Variants in ITGA8 observed in about 807,000 individuals in gnomAD.
The protein encoded by ITGA8 is integrin subunit alpha 8.
ITGA8 carries 91 observed loss-of-function variants against 142.3 expected under a neutral mutation model. That is an observed-to-expected ratio of 0.64 (90% confidence interval 0.54 to 0.76). ITGA8 has a LOEUF of 0.76. ITGA8 is among the 30% of genes least tolerant of loss of function. The probability of loss-of-function intolerance (pLI) is 0.00; values close to 1 mark genes in which losing one functional copy is unlikely to be tolerated. For missense variants in ITGA8, 1,406 were observed against 1,327.7 expected, an observed-to-expected ratio of 1.06 and a Z score of -0.92; for synonymous variants, 505 against 485.2, an observed-to-expected ratio of 1.04 and a Z score of -0.54.
intron 27 of ITGA8, among the ~76,000 whole-genome samples, chr10:15,546,209 A>G (rs1170611789): frequency 6.6e-6 from 1 of 151,810 alleles, no homozygotes; most frequent in East Asian, 1.9e-4. Flanking sequence ...ACACCATTCT[A>G]CTTTCTTCCC....
intron 2 of ITGA8, among the ~76,000 whole-genome samples, chr10:15,694,322 T>TGATAATATATATCA (rs1835000035): frequency 1.7e-4 from 2 of 11,926 alleles, no homozygotes; most frequent in Non-Finnish European, 4.1e-4. Flanking sequence ...ATCATATATA[T>TGATAATATATATCA]GATAATATAT....
intron 25 of ITGA8, among the ~76,000 whole-genome samples, chr10:15,571,646 C>G (rs1199434403): frequency 6.6e-6 from 1 of 152,128 alleles, no homozygotes; most frequent in Non-Finnish European, 1.5e-5. Context: ...AACCCCAGCC[C>G]CTGCATTTTA....
chr10:15,532,901 C>T (rs1833340788), intron 27 of ITGA8, among the ~76,000 whole-genome samples: 1 of 152,166 alleles, frequency 6.6e-6, no homozygotes, highest in Admixed American at 6.5e-5. Context: ...TATCTGTGCT[C>T]AGGATGTGAT....
intron 2 of ITGA8, among the ~76,000 whole-genome samples, chr10:15,691,275 A>G (rs1395551621): frequency 1.3e-5 from 2 of 152,238 alleles, no homozygotes; most frequent in South Asian, 2.1e-4. Context: ...TATGAAAAAC[A>G]TTAAAGGAAG....
At position 15,610,724 on chromosome 10, in the gene ITGA8, T is replaced by C. The variant is rs2131613700; in HGVS notation, c.1554-2434A>G. 1.3e-5 allele frequency among the ~76,000 whole-genome samples: 2 copies of C among 152,296 alleles called. 1 individual carries two copies. The highest frequency in any genetic ancestry group is 4.1e-4 in the South Asian group (2 of 4,820). ...AAAATGAGATAAATGTGAAACACGA[T>C]TTAAAAGTACAAAGCAATTCATTTT... On this transcript the variant is annotated intron_variant, in intron 15 of 29. Transcript: ENST00000378076.
At chr10:15,647,765 T>C (rs1424458325) in intron 11 of ITGA8, among the ~76,000 whole-genome samples, 1 of 152,172 alleles carries the variant, frequency 6.6e-6, no homozygotes, top group African/African-American at 2.4e-5. Context: ...CCCGGCCAAT[T>C]ATTCAGTTTT....
intron 2 of ITGA8, among the ~76,000 whole-genome samples, chr10:15,704,588 G>A (rs1198278905): frequency 6.6e-6 from 1 of 152,048 alleles, no homozygotes; most frequent in Non-Finnish European, 1.5e-5. Flanking sequence ...TAATTACCTA[G>A]GATCACATAT....
In ITGA8 at chr10:15,528,714, C is replaced by T. The variant is rs375675294; in HGVS notation, c.2982+2336G>A. 3.7e-4 allele frequency among the ~76,000 whole-genome samples: 56 copies of T among 152,096 alleles called. 1 individual carries two copies. Among genetic ancestry groups the T allele is most frequent in the African/African-American group, 1.3e-3 (52 of 41,508 alleles). Reference sequence around the variant, plus strand: ...CACGTGCTTGGAAAAAACAAAAGGGCCCAGATTTATTTCCCTTAGAGCTAT... The same window carrying T: ...CACGTGCTTGGAAAAAACAAAAGGGTCCAGATTTATTTCCCTTAGAGCTAT... On this transcript the variant is annotated intron_variant, in intron 28 of 29. Transcript: ENST00000378076.
At chr10:15,531,806 A>T (rs1002240991) in intron 27 of ITGA8, among the ~76,000 whole-genome samples, 1 of 151,572 alleles carries the variant, frequency 6.6e-6, no homozygotes, top group Non-Finnish European at 1.5e-5. Context: ...ATAGCTTGGC[A>T]TAGTGGCAAG....
chr10:15,535,460 G>C (rs998985191), intron 27 of ITGA8, among the ~76,000 whole-genome samples: 1 of 152,126 alleles, frequency 6.6e-6, no homozygotes, highest in African/African-American at 2.4e-5. Flanking sequence ...TACACCAATC[G>C]GCACTGTGTA....
At chr10:15,625,545 A>G (rs551117892) in intron 13 of ITGA8, among the ~76,000 whole-genome samples, 28 of 152,338 alleles carry the variant, frequency 1.8e-4, no homozygotes, top group African/African-American at 6.5e-4. Context: ...CACAGTCTCC[A>G]GAAGAGCGTG....
At chr10:15,718,211 A>C (rs1835489103) in intron 2 of ITGA8, among the ~76,000 whole-genome samples, 3 of 152,226 alleles carry the variant, frequency 2.0e-5, no homozygotes, top group Admixed American at 2.0e-4. Context: ...GGGATTTTGG[A>C]AATGAATGTA....
intron 27 of ITGA8, among the ~76,000 whole-genome samples, chr10:15,538,118 T>C (rs1398633048): frequency 6.6e-6 from 1 of 152,128 alleles, no homozygotes; most frequent in Non-Finnish European, 1.5e-5. Flanking sequence ...TAAGACCCTG[T>C]TTCTAAGAAA....
chr10:15,644,356 C>T (rs1564388649), intron 12 of ITGA8, 135 bp from the exon 13 acceptor site: 4 of 719,752 alleles, frequency 5.6e-6, no homozygotes, highest in Non-Finnish European at 6.5e-6. Flanking sequence ...CAGCCCCACA[C>T]TCCCGGACTC....
At position 15,686,518 on chromosome 10, in the gene ITGA8, C is replaced by T. The variant is rs189738625; in HGVS notation, c.444+1420G>A. On this transcript the variant is annotated intron_variant, in intron 3 of 29. Coordinates refer to ENST00000378076, the MANE Select transcript of ITGA8 (RefSeq NM_003638.3). ...GCCTGATATTAGCTCTAAAAAGTTACTCTTTCAATCTGCTCAGTTTCACAT... is the reference window on the plus strand; with the variant it reads ...GCCTGATATTAGCTCTAAAAAGTTATTCTTTCAATCTGCTCAGTTTCACAT... 2.2e-3 allele frequency among the ~76,000 whole-genome samples: 331 copies of T among 152,296 alleles called. 2 individuals carry two copies. The highest frequency in any genetic ancestry group is 0.017 in the Admixed American group (254 of 15,294).
At chr10:15,557,577 C>T (rs567853521) in intron 26 of ITGA8, among the ~76,000 whole-genome samples, 4 of 152,074 alleles carry the variant, frequency 2.6e-5, no homozygotes, top group Non-Finnish European at 4.4e-5. Flanking sequence ...GGTCCCAAAC[C>T]CTTGGCCTCA....
chr10:15,661,385 G>A (rs1000370163), intron 8 of ITGA8, among the ~76,000 whole-genome samples: 1 of 152,140 alleles, frequency 6.6e-6, no homozygotes, highest in African/African-American at 2.4e-5. Flanking sequence ...CCAGTCCCTG[G>A]TACCAAAACG....
intron 2 of ITGA8, among the ~76,000 whole-genome samples, chr10:15,695,941 T>C (rs1835043274): frequency 6.6e-6 from 1 of 152,248 alleles, no homozygotes; most frequent in South Asian, 2.1e-4. Context: ...TTCCTTGATC[T>C]GCAGGTAGCA....
At chr10:15,541,952 C>T (rs142822954) in intron 27 of ITGA8, among the ~76,000 whole-genome samples, 9 of 152,138 alleles carry the variant, frequency 5.9e-5, no homozygotes, top group Admixed American at 1.3e-4. Flanking sequence ...CATATCACCT[C>T]GTTTTGCTGT....
Sources: allele counts gnomAD v4.1 joint callset (sites outside exome capture counted in the v4.1 genomes callset), GRCh38; gene constraint gnomAD v4.1.1; transcripts MANE v1.5; gene names NCBI Gene and HGNC (gene_info 2026-07-23, HGNC 2026-07-21).